The following DSCAM variants were observed in gnomAD, a reference collection of about 807,000 sequenced individuals.
DSCAM encodes DS cell adhesion molecule.
In DSCAM, 47 loss-of-function variants were observed where a neutral mutation model predicts 217.7. The observed-to-expected ratio is 0.22, with a 90% CI of 0.17 to 0.28. The LOEUF (loss-of-function observed/expected upper bound fraction) is 0.28, where lower values mean the gene tolerates loss of function less well. DSCAM is among the 10% of genes least tolerant of loss of function. The probability of loss-of-function intolerance (pLI) is 1.00; values close to 1 mark genes in which losing one functional copy is unlikely to be tolerated. For synonymous variants in DSCAM, 1,056 were observed against 1,015.3 expected (o/e 1.04, Z -0.76); for missense variants, 2,080 against 2,618.3 (o/e 0.79, Z 4.49).
chr21:40,176,766 G>T (rs891756214), intron 15 of DSCAM, among the ~76,000 whole-genome samples: 1 of 152,190 alleles, frequency 6.6e-6, no homozygotes, highest in Non-Finnish European at 1.5e-5. Flanking sequence ...AATACAAAAG[G>T]CCAGCCTGGG....
intron 3 of DSCAM, among the ~76,000 whole-genome samples, chr21:40,483,995 T>A (rs1048566505): frequency 2.0e-5 from 3 of 152,368 alleles, no homozygotes; most frequent in African/African-American, 7.2e-5. Flanking sequence ...ATTTTGGCTA[T>A]TGGCCAATAA....
At chr21:40,821,648 G>GTA (rs1294065098) in intron 1 of DSCAM, among the ~76,000 whole-genome samples, 4 of 152,166 alleles carry the variant, frequency 2.6e-5, no homozygotes, top group African/African-American at 7.2e-5. Context: ...GTATTCCGTG[G>GTA]TATATATATA....
Position 40,846,613 on chromosome 21 carries a change from G to A in DSCAM, c.43+6C>T. 2 of 1,304,624 alleles carry A rather than the reference G, an allele frequency of 1.5e-6. No individual in the cohort carries two copies. The highest frequency in any genetic ancestry group is 1.8e-5 in the South Asian group (1 of 54,384). 80.8% of individuals were successfully genotyped at this position (1,304,624 alleles called of 1,614,324 possible). A position where few individuals can be genotyped will look rare whatever the true frequency, so the allele number is the denominator to read the frequency against. On this transcript the variant is annotated splice_donor_region_variant and intron_variant, in intron 1 of 32. Coordinates refer to ENST00000400454, the MANE Select transcript of DSCAM (RefSeq NM_001389.5). The stretch of plus-strand genomic sequence containing the variant: ...AACGAAATTCATCACAAACCGAAAG[G>A]CTCACCATTCGCGAAGCTCTGGAAC...
intron 3 of DSCAM, among the ~76,000 whole-genome samples, chr21:40,675,870 A>G (rs562697359): frequency 9.8e-5 from 15 of 152,344 alleles, no homozygotes; most frequent in African/African-American, 3.4e-4. Context: ...AATATCTTTA[A>G]TCACATATCT....
At chr21:40,657,198 A>C (rs1352344928) in intron 3 of DSCAM, among the ~76,000 whole-genome samples, 1 of 152,178 alleles carries the variant, frequency 6.6e-6, no homozygotes, top group Non-Finnish European at 1.5e-5. Flanking sequence ...GGGGTAGGTA[A>C]GGTTGCCTTA....
chr21:40,159,878 C>T (rs1000010517), intron 16 of DSCAM, among the ~76,000 whole-genome samples: 9 of 152,182 alleles, frequency 5.9e-5, no homozygotes, highest in East Asian at 3.9e-4. Flanking sequence ...CCACTGTGCC[C>T]GACCCTATCC....
intron 20 of DSCAM, among the ~76,000 whole-genome samples, chr21:40,099,585 G>A (rs1346071698): frequency 6.6e-6 from 1 of 152,178 alleles, no homozygotes; most frequent in South Asian, 2.1e-4. Flanking sequence ...TAAACCATCA[G>A]AGTTGATTTA....
intron 1 of DSCAM, among the ~76,000 whole-genome samples, chr21:40,834,426 A>AT (rs1235935249): frequency 4.9e-5 from 7 of 141,520 alleles, no homozygotes; most frequent in African/African-American, 1.8e-4. Flanking sequence ...AATAATAATA[A>AT]AATAATAATA....
intron 9 of DSCAM, among the ~76,000 whole-genome samples, chr21:40,298,437 C>T (rs1369512445): frequency 1.3e-5 from 2 of 152,132 alleles, no homozygotes; most frequent in Admixed American, 6.6e-5. Flanking sequence ...ATAATTTACA[C>T]AGCCAATGGG....
At chr21:40,041,425 T>A (rs1469711399) in intron 32 of DSCAM, among the ~76,000 whole-genome samples, 1 of 152,186 alleles carries the variant, frequency 6.6e-6, no homozygotes, top group African/African-American at 2.4e-5. Context: ...AAGCCAACAC[T>A]AAAAAGCTGT....
chr21:40,494,768 C>T (rs2076104198), intron 3 of DSCAM, among the ~76,000 whole-genome samples: 1 of 144,164 alleles, frequency 6.9e-6, no homozygotes, highest in South Asian at 2.2e-4. Context: ...TCAGTACAAA[C>T]ACAAATAAAA....
intron 3 of DSCAM, among the ~76,000 whole-genome samples, chr21:40,527,864 C>T (rs1888507): frequency 0.27 from 41,454 of 151,960 alleles, 7,128 homozygotes; most frequent in African/African-American, 0.47. Flanking sequence ...ACCCTGTATG[C>T]GGCTCTCCTT....
chr21:40,806,283 T>C (rs1175389686), intron 1 of DSCAM, among the ~76,000 whole-genome samples: 4 of 152,154 alleles, frequency 2.6e-5, no homozygotes, highest in African/African-American at 9.7e-5. Context: ...CGTGATTGCT[T>C]TACTGTCAGC....
intron 8 of DSCAM, among the ~76,000 whole-genome samples, chr21:40,326,380 G>A (rs1425622103): frequency 1.3e-5 from 2 of 152,194 alleles, no homozygotes; most frequent in East Asian, 3.9e-4. Context: ...AAAATGCCCA[G>A]AGGGCTATGT....
intron 3 of DSCAM, among the ~76,000 whole-genome samples, chr21:40,665,755 G>A (rs1339102206): frequency 1.3e-5 from 2 of 152,164 alleles, no homozygotes; most frequent in Non-Finnish European, 1.5e-5. Context: ...CTGGTCCATG[G>A]CAATGCCCAA....
intron 3 of DSCAM, among the ~76,000 whole-genome samples, chr21:40,548,381 G>T (rs76162337): frequency 0.024 from 3,674 of 152,100 alleles, 117 homozygotes; most frequent in African/African-American, 0.076. Context: ...CGCTAAACCA[G>T]CTCATCTTAA....
intron 16 of DSCAM, among the ~76,000 whole-genome samples, chr21:40,150,118 A>T (rs2146732526): frequency 6.6e-6 from 1 of 152,372 alleles, no homozygotes; most frequent in African/African-American, 2.4e-5. Flanking sequence ...CCCACACAGT[A>T]TAAGTATGCT....
chr21:40,144,399 G>GT lies in DSCAM; in HGVS notation c.3259+91_3259+92insA, dbSNP rs1804862028. The GT allele has an allele frequency of 1.3e-6, 2 of 1,560,146 alleles. No individual in the cohort carries two copies. Among genetic ancestry groups the GT allele is most frequent in the Non-Finnish European group, 1.7e-6 (2 of 1,148,996 alleles). On this transcript the variant is annotated intron_variant, in intron 17 of 32. Coordinates refer to ENST00000400454, the MANE Select transcript of DSCAM (RefSeq NM_001389.5). The surrounding 1 kb of genome is among the most constrained non-coding windows in gnomAD (Gnocchi z 4.8). Reference sequence around the variant, plus strand: ...CTGCAGGTCACTGCAAAGTCGTGGGGCGGGGGAGTGCGAGGTTGGGGGAGC... The same window carrying GT: ...CTGCAGGTCACTGCAAAGTCGTGGGGTCGGGGGAGTGCGAGGTTGGGGGAGC...
chr21:40,844,246 T>C (rs2092126557), intron 1 of DSCAM, among the ~76,000 whole-genome samples: 2 of 152,228 alleles, frequency 1.3e-5, no homozygotes, highest in South Asian at 4.1e-4. Flanking sequence ...TTTCAACATG[T>C]CTATATATTT....
Sources: allele counts gnomAD v4.1 joint callset (sites outside exome capture counted in the v4.1 genomes callset), GRCh38; gene constraint gnomAD v4.1.1; non-coding constraint Gnocchi (gnomAD v3.1); transcripts MANE v1.5; gene names NCBI Gene and HGNC (gene_info 2026-07-23, HGNC 2026-07-21).